BLK: variants seen among roughly 807,000 people sequenced by gnomAD.
BLK encodes the protein tyrosine-protein kinase Blk.
In BLK, 64 loss-of-function variants were observed where a neutral mutation model predicts 61.8. That is an observed-to-expected ratio of 1.03 (90% CI 0.85 to 1.27). The LOEUF (loss-of-function observed/expected upper bound fraction) is 1.27, where lower values mean the gene tolerates loss of function less well. Among genes scored for constraint, BLK ranks in the 50% most tolerant of loss-of-function variants. The pLI, the probability that BLK is intolerant of heterozygous loss-of-function variation, is 0.00. For synonymous variants in BLK, 351 were observed against 272.0 expected (o/e 1.29, Z -2.86); for missense variants, 853 against 660.5 (o/e 1.29, Z -3.19).
rs1438970456 is a variant in BLK, at chr8:11,564,258, C to T, written c.*150C>T. 6.3e-6 allele frequency: 6 copies of T among 959,180 alleles called. No individual in the cohort carries two copies. Among genetic ancestry groups the T allele is most frequent in the African/African-American group, 4.9e-5 (3 of 61,796 alleles). 59.4% of individuals were successfully genotyped at this position (959,180 alleles called of 1,614,324 possible). On this transcript the variant is annotated 3_prime_UTR_variant, in exon 13 of 13. Coordinates refer to ENST00000259089, the MANE Select transcript of BLK (RefSeq NM_001715.3). ...GGGCAGAGGCAGCTTCGCAGGGGGTCCCCGGACGGACTCCTTCACCGACTG... is the reference window on the plus strand; with the variant it reads ...GGGCAGAGGCAGCTTCGCAGGGGGTTCCCGGACGGACTCCTTCACCGACTG...
At chr8:11,547,588 G>A (rs1176352622) in intron 3 of BLK, among the ~76,000 whole-genome samples, 2 of 152,232 alleles carry the variant, frequency 1.3e-5, no homozygotes, top group African/African-American at 4.8e-5. Context: ...CTGCCACGTG[G>A]CAAGACCACC....
chr8:11,525,712 C>T (rs1420169790), intron 1 of BLK, among the ~76,000 whole-genome samples: 2 of 152,172 alleles, frequency 1.3e-5, no homozygotes, highest in African/African-American at 4.8e-5. Flanking sequence ...ATGTGCCCTC[C>T]TCAGAAGCAA....
chr8:11,497,561 T>G (rs1482044642), intron 1 of BLK, among the ~76,000 whole-genome samples: 1 of 152,168 alleles, frequency 6.6e-6, no homozygotes, highest in Admixed American at 6.5e-5. Flanking sequence ...GCCCTACATG[T>G]GCCTCCAGGT....
chr8:11,540,057 T>A (rs1308206823), intron 1 of BLK, among the ~76,000 whole-genome samples: 3 of 143,584 alleles, frequency 2.1e-5, no homozygotes, highest in Admixed American at 6.7e-5. Context: ...GAATTTGTAC[T>A]TTTTTTGTTC....
At chr8:11,552,397 G>A (rs962827007) in intron 6 of BLK, 1 of 152,166 alleles carries the variant, frequency 6.6e-6, no homozygotes, top group East Asian at 1.9e-4. Flanking sequence ...ATAGATATAT[G>A]CATTTTATAT....
intron 1 of BLK, among the ~76,000 whole-genome samples, chr8:11,524,327 T>A (rs904059116): frequency 6.6e-6 from 1 of 152,218 alleles, no homozygotes; most frequent in Non-Finnish European, 1.5e-5. Flanking sequence ...ACAACGATTT[T>A]CCATTGGTGG....
chr8:11,539,454 G>A (rs182743215), intron 1 of BLK, among the ~76,000 whole-genome samples: 1 of 152,078 alleles, frequency 6.6e-6, no homozygotes, highest in East Asian at 1.9e-4. Flanking sequence ...TTTTTTTTCG[G>A]GGGAGGGGAT....
intron 8 of BLK, 181 bp from the exon 9 acceptor site, chr8:11,556,477 T>C: frequency 1.4e-6 from 1 of 714,946 alleles, no homozygotes; most frequent in Non-Finnish European, 2.4e-6. Flanking sequence ...TGAGGCCCCA[T>C]ATAGAAGGGA....
intron 1 of BLK, among the ~76,000 whole-genome samples, chr8:11,506,229 G>C (rs1798765247): frequency 6.6e-6 from 1 of 152,234 alleles, no homozygotes; most frequent in African/African-American, 2.4e-5. Context: ...GAATGTGCTT[G>C]AAGCTGTTTT....
rs1243380705 is a variant in BLK, at chr8:11,545,921, C to T, written c.124-131C>T. 1.7e-5 allele frequency: 16 copies of T among 941,844 alleles called. No individual in the cohort carries two copies. The South Asian group carries it at 2.1e-4, about 12-fold the overall frequency. The allele number at this position is 941,844 out of a possible 1,614,324, so 58.3% of individuals were successfully genotyped here. On this transcript the variant is annotated intron_variant, in intron 2 of 12. Coordinates refer to ENST00000259089, the MANE Select transcript of BLK (RefSeq NM_001715.3). The stretch of plus-strand genomic sequence containing the variant: ...ACAGAATGTCCCTGAGCAGCCCCCA[C>T]AGGCAGCTGCCTCTCCTCCTTCAGT...
rs766841412 is a variant in BLK, at chr8:11,564,050, A to G, written c.1460A>G (p.Gln487Arg). 6.2e-7 allele frequency: 1 copy of G among 1,602,802 alleles called. No individual in the cohort carries two copies. Among genetic ancestry groups the G allele is most frequent in the Admixed American group, 1.7e-5 (1 of 59,678 alleles). The change falls in exon 13 of 13, where the codon CAG becomes CGG. Residue 487 changes from glutamine (Q) to arginine (R), a missense_variant. Transcript: ENST00000259089. ...PEERPTFEFL[Q>R]SVLEDFYTAT... is the part of the protein sequence containing the mutation. ...GAGCGGCCCACCTTCGAGTTCCTGC[A>G]GTCGGTGCTGGAGGACTTCTACACG...
At position 11,564,222 on chromosome 8, in the gene BLK, C is replaced by T. The variant is rs1034723296; in HGVS notation, c.*114C>T. 3 of 1,298,374 alleles carry T rather than the reference C, an allele frequency of 2.3e-6. No individual in the cohort carries two copies. The highest frequency in any genetic ancestry group is 2.6e-5 in the South Asian group (2 of 78,050). The allele number at this position is 1,298,374 out of a possible 1,614,324, so 80.4% of individuals were successfully genotyped here. A position where few individuals can be genotyped will look rare whatever the true frequency, so the allele number is the denominator to read the frequency against. ...GTCGCCTGTGCCCTTTTCTCAGACC[C>T]GGAATCCAGTGGGCAGAGGCAGCTT... On this transcript the variant is annotated 3_prime_UTR_variant, in exon 13 of 13. Coordinates refer to ENST00000259089, the MANE Select transcript of BLK (RefSeq NM_001715.3).
chr8:11,557,313 T>C (rs1225652894), intron 9 of BLK, among the ~76,000 whole-genome samples: 1 of 152,168 alleles, frequency 6.6e-6, no homozygotes, highest in Non-Finnish European at 1.5e-5. Flanking sequence ...TCATGCCACT[T>C]TCTCACCCTC....
intron 1 of BLK, among the ~76,000 whole-genome samples, chr8:11,518,802 C>G (rs758794909): frequency 2.2e-4 from 34 of 152,314 alleles, no homozygotes; most frequent in Non-Finnish European, 4.3e-4. Context: ...GGCTGCTCTG[C>G]TCCAAGTGCA....
chr8:11,535,293 AAAGAAAGAAAG>A lies in BLK; in HGVS notation c.-1-7928_-1-7918del, dbSNP rs2117399853. Among the ~76,000 whole-genome samples, 2 of 145,516 alleles carry A rather than the reference AAAGAAAGAAAG, an allele frequency of 1.4e-5. 1 individual carries two copies. The highest frequency in any genetic ancestry group is 4.8e-4 in the South Asian group (2 of 4,174). Reference sequence around the variant, plus strand: ...GAAAGAAAGAAAGAAAGAAAGAAAGAAAGAAAGAAAGAAAGAAAGAAAGAAAGAAAGAGAAG... The same window carrying A: ...GAAAGAAAGAAAGAAAGAAAGAAAGAAAAGAAAGAAAGAAAGAAAGAGAAG... On this transcript the variant is annotated intron_variant, in intron 1 of 12. Coordinates refer to ENST00000259089, the MANE Select transcript of BLK (RefSeq NM_001715.3).
Position 11,563,986 on chromosome 8 carries a change from C to T in BLK, c.1396C>T (p.Arg466Cys), listed in dbSNP as rs767202084. 2.5e-6 allele frequency: 4 copies of T among 1,606,178 alleles called. No individual in the cohort carries two copies. Among genetic ancestry groups the T allele is most frequent in the Non-Finnish European group, 3.4e-6 (4 of 1,179,330 alleles). Residue 466 changes from arginine to cysteine, a missense_variant, in exon 13 of 13, where the codon CGC becomes TGC. Physicochemically the swap from Arg to Cys is radical, Grantham distance 180 (BLOSUM62 -3). Transcript: ENST00000259089. ...RPDTCPPELYRGVIAECWRSR... is the reference protein window; with the variant it reads ...RPDTCPPELYCGVIAECWRSR... ...CGACACCTGCCCGCCCGAGCTGTAC[C>T]GCGGCGTCATCGCCGAGTGCTGGCG...
chr8:11,557,106 C>T lies in BLK; in HGVS notation c.952+269C>T, dbSNP rs140432538. ...TCTGGAGTGCATCTTCTGTGCCTAGCACTCTTTGATGCCTGCTGGGAGGGA... is the reference window on the plus strand; with the variant it reads ...TCTGGAGTGCATCTTCTGTGCCTAGTACTCTTTGATGCCTGCTGGGAGGGA... On this transcript the variant is annotated intron_variant, in intron 9 of 12. Coordinates refer to ENST00000259089, the MANE Select transcript of BLK (RefSeq NM_001715.3). 3.8e-4 allele frequency among the ~76,000 whole-genome samples: 58 copies of T among 152,290 alleles called. No individual in the cohort carries two copies. The Middle Eastern group carries it at 0.01, about 27-fold the overall frequency.
intron 1 of BLK, among the ~76,000 whole-genome samples, chr8:11,502,000 C>T (rs1337497222): frequency 6.6e-6 from 1 of 152,240 alleles, no homozygotes; most frequent in Non-Finnish European, 1.5e-5. Flanking sequence ...GTAGCATTTG[C>T]CTGTTCCTGT....
chr8:11,525,314 G>A (rs1437548583), intron 1 of BLK, among the ~76,000 whole-genome samples: 1 of 152,190 alleles, frequency 6.6e-6, no homozygotes, highest in Non-Finnish European at 1.5e-5. Flanking sequence ...AAAGCAAAAT[G>A]TAAAGTCCTC....
Sources: gnomAD v4.1 joint callset for allele counts (sites outside exome capture counted in the v4.1 genomes callset) on GRCh38, gnomAD v4.1.1 for gene constraint, MANE v1.5 for transcripts, NCBI Gene and HGNC (gene_info 2026-07-23, HGNC 2026-07-21) for gene names.